Variants in MAP4 observed in about 807,000 individuals in gnomAD.
MAP4 encodes the protein microtubule associated protein 4.
MAP4 carries 76 observed loss-of-function variants against 170.2 expected under a neutral mutation model. The observed-to-expected ratio is 0.45, with a 90% CI of 0.37 to 0.54. The LOEUF is 0.54. MAP4 is among the 20% of genes least tolerant of loss of function. MAP4 has a pLI of 0.00. For synonymous variants in MAP4, 909 were observed against 994.5 expected, an observed-to-expected ratio of 0.91 and a Z score of 1.62; for missense variants, 2,506 against 2,748.0, an observed-to-expected ratio of 0.91 and a Z score of 1.97.
intron 3 of MAP4, among the ~76,000 whole-genome samples, chr3:47,940,020 T>C (rs2100055296): frequency 6.6e-6 from 1 of 152,104 alleles, no homozygotes; most frequent in Non-Finnish European, 1.5e-5. Context: ...GTACTTTTAG[T>C]GGAGACGAGG....
chr3:48,056,703 G>A (rs2100131993), intron 1 of MAP4, among the ~76,000 whole-genome samples: 2 of 108,770 alleles, frequency 1.8e-5, no homozygotes, highest in African/African-American at 4.2e-5. Flanking sequence ...CGCCCCGTCT[G>A]GGAGGTGAGG....
intron 2 of MAP4, among the ~76,000 whole-genome samples, chr3:47,990,279 T>C (rs2100091358): frequency 2.0e-5 from 3 of 152,220 alleles, no homozygotes; most frequent in Non-Finnish European, 2.9e-5. Flanking sequence ...TGCATGTGTA[T>C]CCGAGTCACC....
Position 47,909,167 on chromosome 3 carries a change from C to T in MAP4, c.5254G>A (p.Glu1752Lys). The T allele has an allele frequency of 6.2e-6, 10 of 1,613,970 alleles. No homozygotes were observed. The highest frequency in any genetic ancestry group is 8.5e-6 in the Non-Finnish European group (10 of 1,179,884). The part of the protein sequence containing the change: ...ESKTPGEGKK[E>K]DKSRMAEPMK... ...GGTTCTGCCATTCTGCTTTTATCTT[C>T]CTTTTTCCCTTCTCCTGGTGTCTTT... is the stretch of plus-strand genomic sequence containing the variant. The change falls in exon 9 of 21, where the codon GAA becomes AAA. Residue 1752 changes from glutamate (E) to lysine (K), a missense_variant. Transcript: ENST00000683076.
intron 13 of MAP4, among the ~76,000 whole-genome samples, 180 bp from the exon 14 acceptor site, chr3:47,871,466 T>C (rs1256388742): frequency 6.6e-6 from 1 of 152,180 alleles, no homozygotes; most frequent in Non-Finnish European, 1.5e-5. Context: ...CTTATTCTTC[T>C]CTACTGCCCT....
upstream of MAP4, among the ~76,000 whole-genome samples, chr3:48,017,462 C>G (rs1401846465): frequency 6.6e-6 from 1 of 151,222 alleles, no homozygotes; most frequent in Non-Finnish European, 1.5e-5. Context: ...GACCCCAATG[C>G]CTAGATGTCT....
intron 1 of MAP4, among the ~76,000 whole-genome samples, chr3:48,061,340 G>A (rs1025708253): frequency 8.6e-5 from 13 of 151,948 alleles, no homozygotes; most frequent in Non-Finnish European, 7.4e-5. Context: ...TTGCAGGCAC[G>A]CGCCGCCACG....
Position 47,909,354 on chromosome 3 carries a change from T to C in MAP4, c.5067A>G (p.Thr1689=). 3 of 1,613,982 alleles carry C rather than the reference T, an allele frequency of 1.9e-6. No individual in the cohort carries two copies. Among genetic ancestry groups the C allele is most frequent in the Non-Finnish European group, 1.7e-6 (2 of 1,179,864 alleles). Residue 1689 remains threonine (T), a synonymous_variant, in exon 9 of 21, where the codon ACA becomes ACG. Transcript: ENST00000683076. The part of the protein sequence containing the change: ...ITELESVSLP[T]PEIQSDFLHS... The stretch of plus-strand genomic sequence containing the variant: ...GTAAGAAATCTGACTGGATTTCTGG[T>C]GTTGGCAAGGAAACGCTTTCCAATT...
At chr3:48,063,244 T>C (rs986234580) in intron 1 of MAP4, among the ~76,000 whole-genome samples, 1 of 150,152 alleles carries the variant, frequency 6.7e-6, no homozygotes, top group Admixed American at 6.6e-5. Flanking sequence ...TGTCAAACAA[T>C]AGGAAATCTC....
At chr3:48,041,358 T>G (rs888649536) in intron 1 of MAP4, among the ~76,000 whole-genome samples, 5 of 150,944 alleles carry the variant, frequency 3.3e-5, no homozygotes, top group African/African-American at 1.2e-4. Flanking sequence ...GTAATCCACC[T>G]GCCTTGGCCT....
intron 1 of MAP4, among the ~76,000 whole-genome samples, chr3:48,061,249 G>C (rs2100135076): frequency 6.7e-6 from 1 of 149,774 alleles, no homozygotes; most frequent in African/African-American, 2.5e-5. Context: ...CCGAGCCGAA[G>C]CTGGACTGTA....
intron 1 of MAP4, among the ~76,000 whole-genome samples, chr3:48,064,046 T>C (rs2100137214): frequency 6.6e-6 from 1 of 152,204 alleles, no homozygotes; most frequent in African/African-American, 2.4e-5. Flanking sequence ...CCAAACTAAC[T>C]TTGTTTGGGA....
intron 1 of MAP4, among the ~76,000 whole-genome samples, chr3:48,067,513 A>T (rs1230352707): frequency 6.6e-6 from 1 of 152,158 alleles, no homozygotes; most frequent in Non-Finnish European, 1.5e-5. Flanking sequence ...CATGTTTTGT[A>T]GAGACAGGGG....
At chr3:48,066,106 C>T (rs138735606) in intron 1 of MAP4, among the ~76,000 whole-genome samples, 1 of 151,952 alleles carries the variant, frequency 6.6e-6, no homozygotes, top group Non-Finnish European at 1.5e-5. Flanking sequence ...ATAGTATATC[C>T]GTAGAAGTTT....
chr3:47,933,601 C>CTTTTTT (rs1306889632), intron 3 of MAP4, among the ~76,000 whole-genome samples: 2 of 129,618 alleles, frequency 1.5e-5, no homozygotes, highest in Admixed American at 8.0e-5. Context: ...TCCTGCCCAG[C>CTTTTTT]TTTTTTTTTT....
intron 1 of MAP4, among the ~76,000 whole-genome samples, chr3:48,068,382 CT>C (rs2100139342): frequency 6.6e-6 from 1 of 151,924 alleles, no homozygotes; most frequent in Non-Finnish European, 1.5e-5. Flanking sequence ...GCACCATGAT[CT>C]CCTTAAGGCA....
chr3:48,010,492 G>A (rs1465362532), intron 1 of MAP4, among the ~76,000 whole-genome samples: 2 of 152,152 alleles, frequency 1.3e-5, no homozygotes, highest in Non-Finnish European at 1.5e-5. Context: ...GGGGATTGGT[G>A]TGTTTCTGGT....
rs149929003 is a variant in MAP4, at chr3:47,852,890, C to T, written c.*44G>A. On this transcript the variant is annotated 3_prime_UTR_variant, in exon 21 of 21. Transcript: ENST00000683076. ...CGGGAGACAATGTCGGCCCCGTGGT[C>T]GGTGCGGGCCCTGGCATTTGCCCGG... The T allele has an allele frequency of 2.3e-3, 3,726 of 1,596,158 alleles. 8 individuals carry two copies. Among genetic ancestry groups the T allele is most frequent in the Non-Finnish European group, 2.7e-3 (3,195 of 1,170,976 alleles).
At chr3:48,009,890 GAAGTT>G (rs1018468837) in intron 1 of MAP4, among the ~76,000 whole-genome samples, 5 of 152,112 alleles carry the variant, frequency 3.3e-5, no homozygotes, top group African/African-American at 1.2e-4. Context: ...CATTAAACTG[GAAGTT>G]AAGATTGTCA....
intron 19 of MAP4, among the ~76,000 whole-genome samples, chr3:47,854,686 G>A (rs961742223): frequency 6.6e-6 from 1 of 151,668 alleles, no homozygotes; most frequent in Admixed American, 6.5e-5. Flanking sequence ...CAGTCGTGAG[G>A]ATGGGAACCT....
Sources: gnomAD v4.1 joint callset for allele counts (sites outside exome capture counted in the v4.1 genomes callset) on GRCh38, gnomAD v4.1.1 for gene constraint, MANE v1.5 for transcripts, NCBI Gene and HGNC (gene_info 2026-07-23, HGNC 2026-07-21) for gene names.